The following DACH1 variants were observed in gnomAD, a reference collection of about 807,000 sequenced individuals.
DACH1 encodes the protein dachshund family transcription factor 1, also known as dachshund homolog 1.
Under a neutral mutation model 54.2 loss-of-function variants are expected in DACH1, and 12 were observed. The ratio of observed to expected loss-of-function variants is 0.22; its 90% CI spans 0.14 to 0.36. DACH1 has a LOEUF of 0.36. Ranked by LOEUF, DACH1 falls within the 10% of genes least tolerant of loss-of-function variation. DACH1 has a pLI of 1.00. For missense variants in DACH1, 805 were observed against 929.8 expected (o/e 0.87, Z 1.75); for synonymous variants, 386 against 366.2 (o/e 1.05, Z -0.62).
chr13:71,546,826 T>C (rs1203242143), intron 6 of DACH1, among the ~76,000 whole-genome samples: 1 of 152,086 alleles, frequency 6.6e-6, no homozygotes, highest in Non-Finnish European at 1.5e-5. Context: ...ACTTATTTTA[T>C]TAATCTAATG....
chr13:71,668,761 C>T (rs1328328011), intron 2 of DACH1, among the ~76,000 whole-genome samples: 1 of 151,918 alleles, frequency 6.6e-6, no homozygotes, highest in African/African-American at 2.4e-5. Flanking sequence ...CCTGTCTCTA[C>T]TAAAAATACA....
chr13:71,454,875 T>A (rs1875413145), intron 10 of DACH1, among the ~76,000 whole-genome samples: 1 of 152,134 alleles, frequency 6.6e-6, no homozygotes, highest in South Asian at 2.1e-4. Context: ...AGCCATGAAG[T>A]TTTGAGGTAA....
intron 6 of DACH1, among the ~76,000 whole-genome samples, chr13:71,531,203 A>C (rs1356910219): frequency 1.3e-5 from 2 of 152,134 alleles, no homozygotes; most frequent in African/African-American, 4.8e-5. Context: ...AGAGTTATTT[A>C]GTTTAACAAT....
chr13:71,821,921 C>T (rs1389143206), intron 1 of DACH1, among the ~76,000 whole-genome samples: 7 of 151,868 alleles, frequency 4.6e-5, no homozygotes, highest in Admixed American at 1.3e-4. Flanking sequence ...ATTATCTGGG[C>T]GTGGCGGTGT....
Position 71,585,588 on chromosome 13 carries a change from C to T in DACH1, c.1127-12576G>A, listed in dbSNP as rs550479498. Among the ~76,000 whole-genome samples, 16 of 152,184 alleles carry T rather than the reference C, an allele frequency of 1.1e-4. No homozygotes were observed. The South Asian group carries it at 2.5e-3, about 24-fold the overall frequency. On this transcript the variant is annotated intron_variant, in intron 3 of 10. Coordinates refer to ENST00000613252, the MANE Select transcript of DACH1 (RefSeq NM_080759.6). ...GAGGCGAAGACATACATAAACGGTG[C>T]GTCTGGATGACAGCTGGGTACCTCA...
chr13:71,813,234 T>C (rs191915166), intron 1 of DACH1, among the ~76,000 whole-genome samples: 1 of 152,306 alleles, frequency 6.6e-6, no homozygotes. Context: ...TTTATAGAGC[T>C]CTCACTAAGA....
intron 1 of DACH1, among the ~76,000 whole-genome samples, chr13:71,790,214 T>C (rs2138091668): frequency 6.6e-6 from 1 of 152,276 alleles, no homozygotes; most frequent in African/African-American, 2.4e-5. Flanking sequence ...AACAGACTTT[T>C]TTTTTCTTAC....
At chr13:71,595,949 T>C (rs991506845) in intron 3 of DACH1, among the ~76,000 whole-genome samples, 3 of 152,106 alleles carry the variant, frequency 2.0e-5, no homozygotes, top group Admixed American at 6.5e-5. Context: ...ATAACTGATA[T>C]GAGAAAAATG....
At chr13:71,830,339 C>G (rs9542754) in intron 1 of DACH1, among the ~76,000 whole-genome samples, 8 of 151,598 alleles carry the variant, frequency 5.3e-5, no homozygotes, top group Non-Finnish European at 1.0e-4. Context: ...GCAGTGACAC[C>G]CAGAGCTTTT....
At chr13:71,843,748 C>T (rs951506410) in intron 1 of DACH1, among the ~76,000 whole-genome samples, 1 of 152,002 alleles carries the variant, frequency 6.6e-6, no homozygotes, top group Non-Finnish European at 1.5e-5. Flanking sequence ...TATTATATAC[C>T]AAGCCCCAAG....
rs530464494 is a variant in DACH1, at chr13:71,799,600, T to C, written c.848+66322A>G. Reference sequence around the variant, plus strand: ...ATAGCACATACCGGCTCTCAACCACTGTGTTGGCAAGAAAAGAACAGTAGG... The same window carrying C: ...ATAGCACATACCGGCTCTCAACCACCGTGTTGGCAAGAAAAGAACAGTAGG... On this transcript the variant is annotated intron_variant, in intron 1 of 10. Transcript: ENST00000613252. Among the ~76,000 whole-genome samples the C allele has an allele frequency of 2.4e-4, 36 of 152,098 alleles. No individual in the cohort carries two copies. In the South Asian group the frequency reaches 5.6e-3, roughly 24 times the overall value.
chr13:71,620,319 G>A (rs1486396625), intron 3 of DACH1, among the ~76,000 whole-genome samples: 1 of 151,826 alleles, frequency 6.6e-6, no homozygotes, highest in Non-Finnish European at 1.5e-5. Flanking sequence ...CCAAAAAGCA[G>A]ACTAAAACAC....
intron 1 of DACH1, among the ~76,000 whole-genome samples, chr13:71,717,545 T>C (rs906825092): frequency 3.9e-5 from 5 of 126,864 alleles, no homozygotes; most frequent in African/African-American, 1.8e-4. Context: ...CACACACACA[T>C]TAATTCTATG....
Position 71,440,077 on chromosome 13 carries a change from G to A in DACH1, c.*578C>T, listed in dbSNP as rs1363810993. 6.6e-6 allele frequency: 1 copy of A among 151,536 alleles called. No homozygotes were observed. Among genetic ancestry groups the A allele is most frequent in the Non-Finnish European group, 1.5e-5 (1 of 67,780 alleles). The allele number at this position is 151,536 out of a possible 1,614,324, so 9.4% of individuals were successfully genotyped here. A position where few individuals can be genotyped will look rare whatever the true frequency, so the allele number is the denominator to read the frequency against. ...CATCCATTTGTTGGTCTTTTGGAAA[G>A]TATGTGAAAAAAAATTCTTCAGGAG... On this transcript the variant is annotated 3_prime_UTR_variant, in exon 11 of 11. Coordinates refer to ENST00000613252, the MANE Select transcript of DACH1 (RefSeq NM_080759.6).
At chr13:71,556,929 T>C in intron 6 of DACH1, 95 bp downstream of exon 6, 2 of 1,248,438 alleles carry the variant, frequency 1.6e-6, no homozygotes, top group Non-Finnish European at 2.2e-6. Context: ...GCTTTTTTTT[T>C]ACATGATGTA....
At position 71,483,048 on chromosome 13, in the gene DACH1, C is replaced by T. The variant is rs552055648; in HGVS notation, c.1723-3732G>A. Among the ~76,000 whole-genome samples, 7 of 151,964 alleles carry T rather than the reference C, an allele frequency of 4.6e-5. No individual in the cohort carries two copies. In the South Asian group the frequency reaches 1.5e-3, roughly 32 times the overall value. On this transcript the variant is annotated intron_variant, in intron 7 of 10. Transcript: ENST00000613252. ...AAACCCCTTACCTCAGGCGATCCACCCACCTCAGCATCCCAAAGTGCTGGG... is the reference window on the plus strand; with the variant it reads ...AAACCCCTTACCTCAGGCGATCCACTCACCTCAGCATCCCAAAGTGCTGGG...
chr13:71,853,896 C>A (rs2138271171), intron 1 of DACH1, among the ~76,000 whole-genome samples: 1 of 152,200 alleles, frequency 6.6e-6, no homozygotes, highest in African/African-American at 2.4e-5. Flanking sequence ...TTATTATCGG[C>A]CCAATTCCCT....
intron 2 of DACH1, 139 bp from the exon 3 acceptor site, chr13:71,630,856 A>C: frequency 2.1e-6 from 2 of 966,658 alleles, no homozygotes; most frequent in Admixed American, 3.7e-5. Flanking sequence ...ACTTATACTC[A>C]TTCCCAACTA....
intron 10 of DACH1, among the ~76,000 whole-genome samples, chr13:71,461,666 C>T (rs1399349334): frequency 6.6e-6 from 1 of 151,856 alleles, no homozygotes; most frequent in Non-Finnish European, 1.5e-5. Flanking sequence ...TTACATTTCT[C>T]ATTAGTGAAA....
Sources: allele counts gnomAD v4.1 joint callset (sites outside exome capture counted in the v4.1 genomes callset), GRCh38; gene constraint gnomAD v4.1.1; transcripts MANE v1.5; gene names NCBI Gene and HGNC (gene_info 2026-07-23, HGNC 2026-07-21).